The following TMEM39B variants were observed in gnomAD, a reference collection of about 807,000 sequenced individuals.
TMEM39B encodes transmembrane protein 39B.
TMEM39B carries 23 observed loss-of-function variants against 52.2 expected under a neutral mutation model. The observed-to-expected ratio is 0.44, with a 90% confidence interval of 0.32 to 0.62. TMEM39B has a LOEUF of 0.62. Ranked by LOEUF, TMEM39B falls within the 20% of genes least tolerant of loss-of-function variation. The pLI, the probability that TMEM39B is intolerant of heterozygous loss-of-function variation, is 0.06. For synonymous variants in TMEM39B, 285 were observed against 264.0 expected, an observed-to-expected ratio of 1.08 and a Z score of -0.77; for missense variants, 547 against 642.0, an observed-to-expected ratio of 0.85 and a Z score of 1.60.
At chr1:32,080,950 A>G (rs1295439168) in intron 5 of TMEM39B, among the ~76,000 whole-genome samples, 1 of 152,074 alleles carries the variant, frequency 6.6e-6, no homozygotes, top group African/African-American at 2.4e-5. Flanking sequence ...AGATTGCTTT[A>G]GCTGGTGGAT....
chr1:32,078,430 C>T (rs1480567636), intron 5 of TMEM39B, among the ~76,000 whole-genome samples: 2 of 151,812 alleles, frequency 1.3e-5, no homozygotes, highest in Non-Finnish European at 1.5e-5. Flanking sequence ...CTGCAGTGAG[C>T]CGAAATTGTG....
At chr1:32,073,954 G>T (rs986404185) in intron 1 of TMEM39B, 8 of 939,726 alleles carry the variant, frequency 8.5e-6, no homozygotes, top group Non-Finnish European at 1.0e-5. Flanking sequence ...TCGCCATGTT[G>T]CCCAGGCTGG....
intron 5 of TMEM39B, among the ~76,000 whole-genome samples, chr1:32,091,249 G>C (rs1298850029): frequency 6.6e-6 from 1 of 152,010 alleles, no homozygotes; most frequent in African/African-American, 2.4e-5. Flanking sequence ...CTGAGCCAAG[G>C]CTTCCTCAGC....
At chr1:32,094,689 C>A in intron 6 of TMEM39B, 95 bp from the exon 7 acceptor site, 1 of 1,386,812 alleles carries the variant, frequency 7.2e-7, no homozygotes, top group Non-Finnish European at 1.0e-6. Context: ...CTCCCCAGGA[C>A]TGTCCTAACC....
intron 6 of TMEM39B, among the ~76,000 whole-genome samples, chr1:32,093,081 C>T (rs985163941): frequency 2.0e-5 from 3 of 152,170 alleles, no homozygotes; most frequent in African/African-American, 2.4e-5. Context: ...CTGCAAGCTG[C>T]AGTGGGCTTG....
chr1:32,097,036 C>A (rs143476596), intron 7 of TMEM39B, among the ~76,000 whole-genome samples: 153 of 152,136 alleles, frequency 1.0e-3, no homozygotes, highest in African/African-American at 3.6e-3. Context: ...AGCTTATGGG[C>A]TCGAGCGATC....
chr1:32,083,644 G>A (rs1285776863), intron 5 of TMEM39B, among the ~76,000 whole-genome samples: 9 of 150,794 alleles, frequency 6.0e-5, no homozygotes, highest in South Asian at 2.1e-4. Flanking sequence ...GGATGGTCTC[G>A]ATCTCCTGAC....
chr1:32,090,276 G>A (rs972732794), intron 5 of TMEM39B, among the ~76,000 whole-genome samples: 1 of 151,998 alleles, frequency 6.6e-6, no homozygotes, highest in Non-Finnish European at 1.5e-5. Context: ...CACATAATTA[G>A]CTCCAGCCCT....
chr1:32,102,588 A>G lies in TMEM39B; in HGVS notation c.1394A>G (p.Lys465Arg). Residue 465 changes from lysine (K) to arginine (R), a missense_variant, in exon 9 of 9, where the codon AAG becomes AGG. Lys to Arg is a conservative substitution (Grantham distance 26). Transcript: ENST00000336294. ...ILFSNYYAFF[K>R]LLRDRLVLGK... ...TTCAGCAACTACTATGCCTTCTTCA[A>G]GCTGCTCCGGGACCGCTTGGTATTG... 1 of 1,614,028 alleles carries G rather than the reference A, an allele frequency of 6.2e-7. No individual in the cohort carries two copies. The highest frequency in any genetic ancestry group is 8.5e-7 in the Non-Finnish European group (1 of 1,179,982).
chr1:32,077,754 G>A (rs1362197367), intron 5 of TMEM39B, among the ~76,000 whole-genome samples: 1 of 152,082 alleles, frequency 6.6e-6, no homozygotes, highest in Non-Finnish European at 1.5e-5. Context: ...GCATGTCTCT[G>A]TGTGGGTGTC....
chr1:32,080,757 A>G (rs182725029), intron 5 of TMEM39B, among the ~76,000 whole-genome samples: 3 of 152,100 alleles, frequency 2.0e-5, no homozygotes, highest in African/African-American at 4.8e-5. Flanking sequence ...ATGGATGCAG[A>G]TAACACCCAA....
At chr1:32,093,545 G>A (rs1640691737) in intron 6 of TMEM39B, among the ~76,000 whole-genome samples, 1 of 150,084 alleles carries the variant, frequency 6.7e-6, no homozygotes, top group Admixed American at 6.7e-5. Flanking sequence ...CTGAATGTCT[G>A]GGACTACAGG....
chr1:32,092,500 TA>T (rs1272718581), intron 6 of TMEM39B, among the ~76,000 whole-genome samples: 4 of 151,868 alleles, frequency 2.6e-5, no homozygotes, highest in Non-Finnish European at 4.4e-5. Flanking sequence ...TATTTTACTT[TA>T]TTTTTTTGAG....
chr1:32,085,534 C>CCT (rs1255291773), intron 5 of TMEM39B, among the ~76,000 whole-genome samples: 54 of 152,146 alleles, frequency 3.5e-4, no homozygotes, highest in Admixed American at 1.3e-3. Flanking sequence ...GGGTGGATCA[C>CCT]AAGGTCAGGA....
chr1:32,080,391 CG>C (rs1453143145), intron 5 of TMEM39B, among the ~76,000 whole-genome samples: 1 of 151,818 alleles, frequency 6.6e-6, no homozygotes, highest in Non-Finnish European at 1.5e-5. Context: ...GCCTGTCGGA[CG>C]CGGTGGCTCA....
In TMEM39B at chr1:32,085,404, G is replaced by C. The variant is rs192133924; in HGVS notation, c.591-6271G>C. ...CAGCAATCATATTTTTCATCTCTAAGGCCTCTATGTTTGCTGATTGTTCTT... is the reference window on the plus strand; with the variant it reads ...CAGCAATCATATTTTTCATCTCTAACGCCTCTATGTTTGCTGATTGTTCTT... On this transcript the variant is annotated intron_variant, in intron 5 of 8. Transcript: ENST00000336294. 1.6e-3 allele frequency among the ~76,000 whole-genome samples: 250 copies of C among 151,774 alleles called. 2 individuals are homozygous for C. Among genetic ancestry groups the C allele is most frequent in the African/African-American group, 5.9e-3 (242 of 41,350 alleles).
intron 6 of TMEM39B, among the ~76,000 whole-genome samples, chr1:32,093,114 T>C (rs1411457424): frequency 1.3e-5 from 2 of 152,130 alleles, no homozygotes; most frequent in East Asian, 1.9e-4. Context: ...CTCTCTTTTT[T>C]TTTAGACGGA....
chr1:32,075,473 C>G, intron 2 of TMEM39B, 130 bp from the exon 3 acceptor site: 2 of 925,454 alleles, frequency 2.2e-6, no homozygotes, highest in Non-Finnish European at 1.6e-6. Context: ...GTCTGACAAG[C>G]AGGATTAGGA....
intron 6 of TMEM39B, among the ~76,000 whole-genome samples, chr1:32,094,012 G>T (rs1640713320): frequency 6.9e-6 from 1 of 145,766 alleles, no homozygotes; most frequent in South Asian, 2.2e-4. Context: ...TAGAGATGGG[G>T]TTTCACCGTG....
Sources: allele counts gnomAD v4.1 joint callset (sites outside exome capture counted in the v4.1 genomes callset), GRCh38; gene constraint gnomAD v4.1.1; transcripts MANE v1.5; gene names NCBI Gene and HGNC (gene_info 2026-07-23, HGNC 2026-07-21).